Variants in LYST observed in about 807,000 individuals in gnomAD.
LYST encodes the protein lysosomal-trafficking regulator.
A neutral mutation model predicts 413.6 loss-of-function variants in LYST; 192 were observed. That is an observed-to-expected ratio of 0.46 (90% CI 0.41 to 0.52). The LOEUF (loss-of-function observed/expected upper bound fraction) is 0.52, where lower values mean the gene tolerates loss of function less well. Ranked by LOEUF, LYST falls within the 20% of genes least tolerant of loss-of-function variation. The pLI is 0.00. For missense variants in LYST, 3,815 were observed against 4,499.9 expected (o/e 0.85, Z 4.35); for synonymous variants, 1,525 against 1,567.3 (o/e 0.97, Z 0.64).
At chr1:235,817,631 C>T (rs1191390283) in intron 3 of LYST, among the ~76,000 whole-genome samples, 2 of 152,158 alleles carry the variant, frequency 1.3e-5, no homozygotes, top group Non-Finnish European at 2.9e-5. Context: ...CCAAATACTG[C>T]ATGTTCTCAC....
intron 3 of LYST, chr1:235,828,961 T>C (rs1376553721): frequency 1.6e-5 from 7 of 429,758 alleles, no homozygotes; most frequent in African/African-American, 2.1e-5. Flanking sequence ...TCCCAGCACT[T>C]TGGGAGGCCA....
intron 25 of LYST, among the ~76,000 whole-genome samples, chr1:235,753,846 A>G (rs1215890191): frequency 6.6e-6 from 1 of 152,178 alleles, no homozygotes; most frequent in Non-Finnish European, 1.5e-5. Flanking sequence ...GTTTCGTGAA[A>G]GCCAAAAGTT....
In LYST at chr1:235,806,278, G is replaced by C; in HGVS notation, c.2858C>G (p.Ser953Cys). ...TGCTGCTTGGTGCATATGTTCAGGA[G>C]AAGGCAAGACAAGGCTCTCGAGAGA... ...CISLESLVLPSPEHMHQAADI... is the reference protein window; with the variant it reads ...CISLESLVLPCPEHMHQAADI... Residue 953 changes from serine to cysteine, a missense_variant, in exon 6 of 53, where the codon TCT (serine) becomes TGT (cysteine). This residue lies in a region of LYST where 1,648 missense variants were observed against 1,810.3 expected (regional missense o/e 0.91). Coordinates refer to ENST00000389793, the MANE Select transcript of LYST (RefSeq NM_000081.4). 1 of 1,614,022 alleles carries C rather than the reference G, an allele frequency of 6.2e-7. No individual in the cohort carries two copies. Among genetic ancestry groups the C allele is most frequent in the Non-Finnish European group, 8.5e-7 (1 of 1,179,982 alleles).
chr1:235,791,893 G>T lies in LYST; in HGVS notation c.4349C>A (p.Ser1450Tyr). 1 of 1,614,158 alleles carries T rather than the reference G, an allele frequency of 6.2e-7. No homozygotes were observed. The highest frequency in any genetic ancestry group is 8.5e-7 in the Non-Finnish European group (1 of 1,180,010). The change falls in exon 12 of 53, where the codon TCT becomes TAT. Residue 1450 changes from serine to tyrosine, a missense_variant. Coordinates refer to ENST00000389793, the MANE Select transcript of LYST (RefSeq NM_000081.4). The part of the protein sequence containing the change: ...RESFPHRLLS[S>Y]WHIAPVHLPL... ...CAGGTGGACTGGGGCTATGTGCCAAGATGAAAGCAGCCGATGGGGAAAACT... is the reference window on the plus strand; with the variant it reads ...CAGGTGGACTGGGGCTATGTGCCAATATGAAAGCAGCCGATGGGGAAAACT...
At chr1:235,812,683 C>T (rs1414499665) in intron 4 of LYST, among the ~76,000 whole-genome samples, 1 of 151,964 alleles carries the variant, frequency 6.6e-6, no homozygotes, top group African/African-American at 2.4e-5. Context: ...ATCCATTTTT[C>T]TGATGTTATG....
chr1:235,803,206 T>G lies in LYST; in HGVS notation c.3556-142A>C. ...AGTAAACAATATGAATCATTATAAA[T>G]TATGAAATTCACTCAGCAAAATTTC... is the stretch of plus-strand genomic sequence containing the variant. On this transcript the variant is annotated intron_variant, in intron 7 of 52. Transcript: ENST00000389793. 4.3e-6 allele frequency: 3 copies of G among 697,900 alleles called. No individual in the cohort carries two copies. The South Asian group carries it at 5.5e-5, about 13-fold the overall frequency. The allele number at this position is 697,900 out of a possible 1,614,324, so 43.2% of individuals were successfully genotyped here.
At chr1:235,805,638 TTAC>T (rs1672748258) in intron 6 of LYST, 102 bp downstream of exon 6, 2 of 378,020 alleles carry the variant, frequency 5.3e-6, no homozygotes, top group East Asian at 1.1e-4. Flanking sequence ...AATATATATA[TTAC>T]ATATATTATG....
At chr1:235,762,630 C>A (rs1271757204) in intron 22 of LYST, 90 bp downstream of exon 22, 1 of 1,343,910 alleles carries the variant, frequency 7.4e-7, no homozygotes. Flanking sequence ...GGTTGTACTA[C>A]ATATACTTCT....
chr1:235,716,895 T>C (rs989220296), intron 40 of LYST, 117 bp from the exon 41 acceptor site: 3 of 668,080 alleles, frequency 4.5e-6, no homozygotes, highest in Non-Finnish European at 8.2e-6. Flanking sequence ...CACCCTTATT[T>C]CTCTGCTTAA....
chr1:235,796,397 T>TA (rs1255221624), intron 10 of LYST, among the ~76,000 whole-genome samples: 2 of 151,968 alleles, frequency 1.3e-5, no homozygotes, highest in Non-Finnish European at 2.9e-5. Context: ...CTAGAATACA[T>TA]AAAAAAAACC....
At chr1:235,865,776 A>G (rs1432246685) in intron 1 of LYST, among the ~76,000 whole-genome samples, 1 of 152,250 alleles carries the variant, frequency 6.6e-6, no homozygotes, top group Non-Finnish European at 1.5e-5. Flanking sequence ...TTAAAATAAT[A>G]GCGCAGAAGA....
intron 40 of LYST, among the ~76,000 whole-genome samples, chr1:235,718,908 G>A (rs762486410): frequency 1.6e-4 from 25 of 152,152 alleles, no homozygotes; most frequent in South Asian, 2.1e-4. Context: ...ATGACCTTAC[G>A]TTTCTTTTTA....
At chr1:235,666,248 AC>A (rs1658448459) in intron 50 of LYST, among the ~76,000 whole-genome samples, 1 of 136,316 alleles carries the variant, frequency 7.3e-6, no homozygotes, top group South Asian at 2.2e-4. Context: ...ACACACACAC[AC>A]ACACACACAC....
intron 30 of LYST, among the ~76,000 whole-genome samples, chr1:235,743,121 G>A (rs1014014328): frequency 6.6e-6 from 1 of 152,056 alleles, no homozygotes. Context: ...TGAAGATAAG[G>A]GGAAACTACT....
At chr1:235,681,856 TTC>T (rs1281942087) in intron 48 of LYST, among the ~76,000 whole-genome samples, 2 of 152,184 alleles carry the variant, frequency 1.3e-5, no homozygotes, top group Admixed American at 6.6e-5. Context: ...CTATTTTATA[TTC>T]TGTGTAATTT....
At chr1:235,774,767 T>C (rs1669059087) in intron 18 of LYST, 146 bp downstream of exon 18, 2 of 607,352 alleles carry the variant, frequency 3.3e-6, no homozygotes, top group Admixed American at 5.9e-5. Flanking sequence ...TAGAAGAGTA[T>C]CTTAGTTTGA....
intron 19 of LYST, among the ~76,000 whole-genome samples, chr1:235,772,370 G>A (rs1668794430): frequency 6.6e-6 from 1 of 151,830 alleles, no homozygotes; most frequent in African/African-American, 2.4e-5. Flanking sequence ...AATAATATTT[G>A]TTGATAATCT....
chr1:235,689,844 A>G (rs540296216), intron 47 of LYST, among the ~76,000 whole-genome samples: 39 of 152,370 alleles, frequency 2.6e-4, no homozygotes, highest in African/African-American at 9.1e-4. Flanking sequence ...AATTTTAAAC[A>G]ACTTTATTCA....
At chr1:235,816,216 T>C (rs773473576) in intron 3 of LYST, among the ~76,000 whole-genome samples, 8 of 132,424 alleles carry the variant, frequency 6.0e-5, no homozygotes, top group Non-Finnish European at 1.1e-4. Context: ...CCAAGGCAGG[T>C]AGATCACAAG....
Sources: gnomAD v4.1 joint callset for allele counts (sites outside exome capture counted in the v4.1 genomes callset) on GRCh38, gnomAD v4.1.1 for gene constraint, gnomAD v4.1.1 regional missense constraint, MANE v1.5 for transcripts, NCBI Gene and HGNC (gene_info 2026-07-23, HGNC 2026-07-21) for gene names.